MYEOV: variants seen among roughly 807,000 people sequenced by gnomAD.
MYEOV encodes myeloma overexpressed, also known as myeloma-overexpressed gene protein.
In MYEOV, 4 loss-of-function variants were observed where a neutral mutation model predicts 4.5. That is an observed-to-expected ratio of 0.89 (90% CI 0.44 to 2.03). MYEOV has a LOEUF of 2.03. MYEOV is among the 30% of genes most tolerant of loss of function. The pLI is 0.03. For missense variants in MYEOV, 408 were observed against 412.8 expected (o/e 0.99, Z 0.10); for synonymous variants, 184 against 170.3 (o/e 1.08, Z -0.63).
chr11:69,294,964 G>A (rs1023214568), intron 1 of MYEOV, among the ~76,000 whole-genome samples: 1 of 152,198 alleles, frequency 6.6e-6, no homozygotes, highest in African/African-American at 2.4e-5. Flanking sequence ...CCTAGAGGCG[G>A]TTGAGGACCA....
chr11:69,296,397 G>A lies in MYEOV; in HGVS notation c.*5G>A, dbSNP rs369029296. On this transcript the variant is annotated 3_prime_UTR_variant, in exon 3 of 3. Transcript: ENST00000441339. ...ATCATCATCCTCACTTGTTGAGGAC[G>A]TCCTGTGTGCCAAGTGGTTTATATG... 1.4e-5 allele frequency: 20 copies of A among 1,437,966 alleles called. No individual in the cohort carries two copies. The highest frequency in any genetic ancestry group is 8.6e-5 in the African/African-American group (6 of 69,784). 89.1% of individuals were successfully genotyped at this position (1,437,966 alleles called of 1,614,324 possible).
rs776277448 is a variant in MYEOV at position 69,295,836 on chromosome 11, A to G, written c.386A>G (p.Asp129Gly). 2.1e-5 allele frequency: 34 copies of G among 1,613,972 alleles called. No individual in the cohort carries two copies. The highest frequency in any genetic ancestry group is 2.9e-5 in the Non-Finnish European group (34 of 1,180,038). The change falls in exon 3 of 3, where the codon GAC becomes GGC. Residue 129 changes from aspartate to glycine, a missense_variant. Coordinates refer to ENST00000441339, the MANE Select transcript of MYEOV (RefSeq NM_001293291.2). The surrounding 1 kb of genome is among the most constrained non-coding windows in gnomAD (Gnocchi z 4.1). ...CTCAGCCAGGAGGCAGAAGACGTGG[A>G]CGTGTCCCGGGCCAGGAGGGTCACA... Reference protein sequence around the residue: ...AGLSQEAEDVDVSRARRVTDA... With the variant: ...AGLSQEAEDVGVSRARRVTDA...
In MYEOV at chr11:69,297,029, A is replaced by C. The variant is rs1855219316; in HGVS notation, c.*637A>C. The C allele has an allele frequency of 6.6e-6, 1 of 152,158 alleles. No individual in the cohort carries two copies. The highest frequency in any genetic ancestry group is 6.5e-5 in the Admixed American group (1 of 15,280). The allele number at this position is 152,158 out of a possible 1,614,324, so 9.4% of individuals were successfully genotyped here. A position where few individuals can be genotyped will look rare whatever the true frequency, so the allele number is the denominator to read the frequency against. On this transcript the variant is annotated 3_prime_UTR_variant, in exon 3 of 3. Transcript: ENST00000441339. ...TAAGGCGTCAGAATGTAAGGTTCTTATTGGAACCCAGGCTCCAGGGTCCCT... is the reference window on the plus strand; with the variant it reads ...TAAGGCGTCAGAATGTAAGGTTCTTCTTGGAACCCAGGCTCCAGGGTCCCT...
chr11:69,295,212 T>A lies in MYEOV; in HGVS notation c.-122-21T>A. ...CCTTCCCGGGGTGGATTACGGATGGTAGTATCTTCCTTCTCCTCAGAGTCC... is the reference window on the plus strand; with the variant it reads ...CCTTCCCGGGGTGGATTACGGATGGAAGTATCTTCCTTCTCCTCAGAGTCC... On this transcript the variant is annotated intron_variant, in intron 1 of 2. Coordinates refer to ENST00000441339, the MANE Select transcript of MYEOV (RefSeq NM_001293291.2). This position sits in a 1 kb window ranked among gnomAD's most constrained non-coding sequence, Gnocchi z 4.1. 7.5e-7 allele frequency: 1 copy of A among 1,332,418 alleles called. No homozygotes were observed. The allele number at this position is 1,332,418 out of a possible 1,614,324, so 82.5% of individuals were successfully genotyped here.
rs756218703 is a variant in MYEOV at position 69,295,932 on chromosome 11, G to C, written c.482G>C (p.Gly161Ala). ...NSGSQSARVV[G>A]VAHLGEAFRV... ...GGGAGTCAGTCTGCAAGGGTGGTGG[G>C]CGTTGCTCACCTGGGAGAAGCCTTT... Residue 161 changes from glycine (G) to alanine (A), a missense_variant, in exon 3 of 3, where the codon GGC (glycine) becomes GCC (alanine). Physicochemically the swap from Gly to Ala is moderately conservative, Grantham distance 60. Transcript: ENST00000441339. The surrounding 1 kb of genome is among the most constrained non-coding windows in gnomAD (Gnocchi z 4.1). 6.2e-7 allele frequency: 1 copy of C among 1,614,160 alleles called. No individual in the cohort carries two copies. The highest frequency in any genetic ancestry group is 2.2e-5 in the East Asian group (1 of 44,866).
Position 69,295,766 on chromosome 11 carries a change from C to G in MYEOV, c.316C>G (p.Arg106Gly). The change falls in exon 3 of 3, where the codon CGG (arginine) becomes GGG (glycine). Residue 106 changes from arginine to glycine, a missense_variant. Transcript: ENST00000441339. The surrounding 1 kb of genome is among the most constrained non-coding windows in gnomAD (Gnocchi z 4.1). ...GTGGTTTGCTGCTGGAGCTGGTGAC[C>G]GGGAGAGAAACAAGGGAGACAAGGG... ...SLWFAAGAGD[R>G]ERNKGDKGAQ... The G allele has an allele frequency of 6.2e-7, 1 of 1,613,994 alleles. No individual in the cohort carries two copies. The highest frequency in any genetic ancestry group is 8.5e-7 in the Non-Finnish European group (1 of 1,179,996).
Position 69,296,262 on chromosome 11 carries a change from G to T in MYEOV, c.812G>T (p.Gly271Val), listed in dbSNP as rs1174723385. 2 of 1,583,806 alleles carry T rather than the reference G, an allele frequency of 1.3e-6. No homozygotes were observed. Among genetic ancestry groups the T allele is most frequent in the Non-Finnish European group, 1.7e-6 (2 of 1,162,742 alleles). The change falls in exon 3 of 3, where the codon GGG (glycine) becomes GTG (valine). Residue 271 changes from glycine to valine, a missense_variant. Physicochemically the swap from Gly to Val is moderately radical, Grantham distance 109. Coordinates refer to ENST00000441339, the MANE Select transcript of MYEOV (RefSeq NM_001293291.2). ...GTTGTGACTGTTGAGGCCCTGGGGGGGTGGCGCATGGGAGTTAGGAGGACT... is the reference window on the plus strand; with the variant it reads ...GTTGTGACTGTTGAGGCCCTGGGGGTGTGGCGCATGGGAGTTAGGAGGACT... ...LTVVTVEALG[G>V]WRMGVRRTGQ... is the part of the protein sequence containing the mutation.
rs543791821 is a variant in MYEOV, at chr11:69,296,061, G to A, written c.611G>A (p.Arg204His). Residue 204 changes from arginine to histidine, a missense_variant, in exon 3 of 3, where the codon CGC becomes CAC. Arg to His is a conservative substitution (Grantham distance 29). Coordinates refer to ENST00000441339, the MANE Select transcript of MYEOV (RefSeq NM_001293291.2). Reference sequence around the variant, plus strand: ...TGGGCGCGAATGGATGTGGCTCTGCGCTCACCTGGGCGAGGACTTCTGGCC... The same window carrying A: ...TGGGCGCGAATGGATGTGGCTCTGCACTCACCTGGGCGAGGACTTCTGGCC... ...IMWARMDVAL[R>H]SPGRGLLAGA... 3.2e-5 allele frequency: 52 copies of A among 1,614,038 alleles called. No homozygotes were observed. Among genetic ancestry groups the A allele is most frequent in the Admixed American group, 6.7e-5 (4 of 60,006 alleles).
Position 69,295,847 on chromosome 11 carries a change from G to A in MYEOV, c.397G>A (p.Ala133Thr). The A allele has an allele frequency of 6.2e-7, 1 of 1,614,178 alleles. No individual in the cohort carries two copies. The highest frequency in any genetic ancestry group is 8.5e-7 in the Non-Finnish European group (1 of 1,180,026). The change falls in exon 3 of 3, where the codon GCC (alanine) becomes ACC (threonine). Residue 133 changes from alanine (A) to threonine (T), a missense_variant. Transcript: ENST00000441339. The surrounding 1 kb of genome is among the most constrained non-coding windows in gnomAD (Gnocchi z 4.1). ...GGCAGAAGACGTGGACGTGTCCCGG[G>A]CCAGGAGGGTCACAGATGCACCACA... ...QEAEDVDVSR[A>T]RRVTDAPQGT...
Position 69,296,701 on chromosome 11 carries a change from C to T in MYEOV, c.*309C>T, listed in dbSNP as rs770359723. On this transcript the variant is annotated 3_prime_UTR_variant, in exon 3 of 3. Coordinates refer to ENST00000441339, the MANE Select transcript of MYEOV (RefSeq NM_001293291.2). The stretch of plus-strand genomic sequence containing the variant: ...ACCCAGCTCCTTCTGGTCATTTTCT[C>T]AGCTGGTTAGAGGCTGGGAGGACAC... The T allele has an allele frequency of 1.4e-4, 45 of 320,160 alleles. No individual in the cohort carries two copies. The highest frequency in any genetic ancestry group is 2.1e-4 in the Non-Finnish European group (37 of 173,808). 19.8% of individuals were successfully genotyped at this position (320,160 alleles called of 1,614,324 possible). A position where few individuals can be genotyped will look rare whatever the true frequency, so the allele number is the denominator to read the frequency against.
chr11:69,296,370 T>G lies in MYEOV; in HGVS notation c.920T>G (p.Leu307Arg), dbSNP rs771460722. Reference protein sequence around the residue: ...LLLHHLLLLLLIIILTC With the variant: ...LLLHHLLLLLRIIILTC ...CTCCACCACCTCCTCCTCCTCCTCC[T>G]CATCATCATCCTCACTTGTTGAGGA... is the stretch of plus-strand genomic sequence containing the variant. Residue 307 changes from leucine (L) to arginine (R), a missense_variant, in exon 3 of 3, where the codon CTC becomes CGC. Coordinates refer to ENST00000441339, the MANE Select transcript of MYEOV (RefSeq NM_001293291.2). 1 of 1,471,446 alleles carries G rather than the reference T, an allele frequency of 6.8e-7. No homozygotes were observed. Among genetic ancestry groups the G allele is most frequent in the Admixed American group, 2.7e-5 (1 of 36,714 alleles). 91.1% of individuals were successfully genotyped at this position (1,471,446 alleles called of 1,614,324 possible). A position where few individuals can be genotyped will look rare whatever the true frequency, so the allele number is the denominator to read the frequency against.
chr11:69,296,616 A>C lies in MYEOV; in HGVS notation c.*224A>C, dbSNP rs549144531. 5.9e-5 allele frequency: 25 copies of C among 425,690 alleles called. No homozygotes were observed. The highest frequency in any genetic ancestry group is 1.6e-4 in the Admixed American group (4 of 25,752). 26.4% of individuals were successfully genotyped at this position (425,690 alleles called of 1,614,324 possible). ...TCCCTGCCTCTTCCCTAACTAGACA[A>C]TTTTTTATTGAGTGTCTCCCAGGTG... On this transcript the variant is annotated 3_prime_UTR_variant, in exon 3 of 3. Transcript: ENST00000441339.
Position 69,295,439 on chromosome 11 carries a change from C to G in MYEOV, c.85C>G (p.Pro29Ala), listed in dbSNP as rs777242185. 1.2e-6 allele frequency: 2 copies of G among 1,614,188 alleles called. No individual in the cohort carries two copies. Among genetic ancestry groups the G allele is most frequent in the East Asian group, 2.2e-5 (1 of 44,884 alleles). The change falls in exon 2 of 3, where the codon CCC becomes GCC. Residue 29 changes from proline (P) to alanine (A), a missense_variant. Coordinates refer to ENST00000441339, the MANE Select transcript of MYEOV (RefSeq NM_001293291.2). The surrounding 1 kb of genome is among the most constrained non-coding windows in gnomAD (Gnocchi z 4.1). Reference protein sequence around the residue: ...TRCCLCLEQSPSWCHCLRGVS... With the variant: ...TRCCLCLEQSASWCHCLRGVS... ...CTGTTGCCTCTGCCTGGAACAGTCT[C>G]CCTCCTGGTGTCATTGTCTCCGTGG...
At position 69,295,848 on chromosome 11, in the gene MYEOV, C is replaced by T; in HGVS notation, c.398C>T (p.Ala133Val). 1 of 1,614,074 alleles carries T rather than the reference C, an allele frequency of 6.2e-7. No homozygotes were observed. Among genetic ancestry groups the T allele is most frequent in the Middle Eastern group, 1.6e-4 (1 of 6,062 alleles). ...GCAGAAGACGTGGACGTGTCCCGGGCCAGGAGGGTCACAGATGCACCACAA... is the reference window on the plus strand; with the variant it reads ...GCAGAAGACGTGGACGTGTCCCGGGTCAGGAGGGTCACAGATGCACCACAA... ...QEAEDVDVSRARRVTDAPQGT... is the reference protein window; with the variant it reads ...QEAEDVDVSRVRRVTDAPQGT... Residue 133 changes from alanine to valine, a missense_variant, in exon 3 of 3, where the codon GCC becomes GTC. Ala to Val is a moderately conservative substitution (Grantham distance 64). Transcript: ENST00000441339. This position sits in a 1 kb window ranked among gnomAD's most constrained non-coding sequence, Gnocchi z 4.1.
At position 69,295,169 on chromosome 11, in the gene MYEOV, TG is replaced by T; in HGVS notation, c.-122-62del. 1 of 990,522 alleles carries T rather than the reference TG, an allele frequency of 1.0e-6. No individual in the cohort carries two copies. The highest frequency in any genetic ancestry group is 1.4e-6 in the Non-Finnish European group (1 of 695,716). The allele number at this position is 990,522 out of a possible 1,614,324, so 61.4% of individuals were successfully genotyped here. The stretch of plus-strand genomic sequence containing the variant: ...GAGCGGCGGCCTCTCATCCTCCCCA[TG>T]GTCAAGGAGGTCAGTGCCTTCCCGG... On this transcript the variant is annotated intron_variant, in intron 1 of 2. Coordinates refer to ENST00000441339, the MANE Select transcript of MYEOV (RefSeq NM_001293291.2). This position sits in a 1 kb window ranked among gnomAD's most constrained non-coding sequence, Gnocchi z 4.1.
At position 69,295,658 on chromosome 11, in the gene MYEOV, G is replaced by A; in HGVS notation, c.208G>A (p.Gly70Ser). The stretch of plus-strand genomic sequence containing the variant: ...CCGGCAGGCTGGACACTTCGTGGAG[G>A]GCTCCAAAGCCGGCAGATCCCGGGG... Reference protein sequence around the residue: ...FTRQAGHFVEGSKAGRSRGRL... With the variant: ...FTRQAGHFVESSKAGRSRGRL... Residue 70 changes from glycine (G) to serine (S), a missense_variant, in exon 3 of 3, where the codon GGC becomes AGC. By Grantham distance (56) the Gly-to-Ser change is moderately conservative. Transcript: ENST00000441339. This position sits in a 1 kb window ranked among gnomAD's most constrained non-coding sequence, Gnocchi z 4.1. 1.2e-6 allele frequency: 2 copies of A among 1,614,102 alleles called. No homozygotes were observed. The highest frequency in any genetic ancestry group is 1.1e-5 in the South Asian group (1 of 91,072).
At position 69,295,952 on chromosome 11, in the gene MYEOV, G is replaced by A; in HGVS notation, c.502G>A (p.Ala168Thr). The change falls in exon 3 of 3, where the codon GCC becomes ACC. Residue 168 changes from alanine (A) to threonine (T), a missense_variant. Ala to Thr is a moderately conservative substitution (Grantham distance 58). Transcript: ENST00000441339. The surrounding 1 kb of genome is among the most constrained non-coding windows in gnomAD (Gnocchi z 4.1). ...GGTGGGCGTTGCTCACCTGGGAGAA[G>A]CCTTTAGAGTGGGCGTTGAGCAGGC... is the stretch of plus-strand genomic sequence containing the variant. ...RVVGVAHLGE[A>T]FRVGVEQAIS... 1 of 1,614,162 alleles carries A rather than the reference G, an allele frequency of 6.2e-7. No individual in the cohort carries two copies. The highest frequency in any genetic ancestry group is 1.3e-5 in the African/African-American group (1 of 75,040).
rs566364607 is a variant in MYEOV, at chr11:69,295,708, G to A, written c.258G>A (p.Leu86=). The A allele has an allele frequency of 6.2e-7, 1 of 1,614,174 alleles. No homozygotes were observed. Among genetic ancestry groups the A allele is most frequent in the South Asian group, 1.1e-5 (1 of 91,066 alleles). ...GCCGCCTCTGTCTCTCCCAGGCCCT[G>A]CGTGTTGCGGTGAGAGGAGCATTTG... ...SRGRLCLSQA[L]RVAVRGAFVS... is the part of the protein sequence containing the mutation. Residue 86 remains leucine, a synonymous_variant, in exon 3 of 3, where the codon CTG becomes CTA. Transcript: ENST00000441339. This position sits in a 1 kb window ranked among gnomAD's most constrained non-coding sequence, Gnocchi z 4.1.
At position 69,296,337 on chromosome 11, in the gene MYEOV, C is replaced by T. The variant is rs144900499; in HGVS notation, c.887C>T (p.Pro296Leu). The change falls in exon 3 of 3, where the codon CCT (proline) becomes CTT (leucine). Residue 296 changes from proline to leucine, a missense_variant. By Grantham distance (98) the Pro-to-Leu change is moderately conservative. Transcript: ENST00000441339. ...CCACCCCCAGTGTCAGGTGCTTCTC[C>T]TCTCCTCCTCCACCACCTCCTCCTC... ...MHPPPVSGAS[P>L]LLLHHLLLLL... 3.9e-4 allele frequency: 588 copies of T among 1,502,554 alleles called. 5 individuals carry two copies. In the African/African-American group the frequency reaches 7.0e-3, roughly 18 times the overall value. 93.1% of individuals were successfully genotyped at this position (1,502,554 alleles called of 1,614,324 possible). A position where few individuals can be genotyped will look rare whatever the true frequency, so the allele number is the denominator to read the frequency against.
Sources: gnomAD v4.1 joint callset for allele counts (sites outside exome capture counted in the v4.1 genomes callset) on GRCh38, gnomAD v4.1.1 for gene constraint, Gnocchi (gnomAD v3.1) non-coding constraint, MANE v1.5 for transcripts, NCBI Gene and HGNC (gene_info 2026-07-23, HGNC 2026-07-21) for gene names.